SOCS6: variants seen among roughly 807,000 people sequenced by gnomAD.
SOCS6 encodes suppressor of cytokine signaling 6.
SOCS6 carries 5 observed loss-of-function variants against 27.7 expected under a neutral mutation model. That is an observed-to-expected ratio of 0.18 (90% CI 0.09 to 0.38). The LOEUF is 0.38. Among genes scored for constraint, SOCS6 ranks in the 10% least tolerant of loss-of-function variants. The pLI, the probability that SOCS6 is intolerant of heterozygous loss-of-function variation, is 1.00. For synonymous variants in SOCS6, 271 were observed against 260.0 expected (o/e 1.04, Z -0.41); for missense variants, 595 against 688.1 (o/e 0.86, Z 1.51).
chr18:70,317,695 T>C (rs2062418790), intron 1 of SOCS6, among the ~76,000 whole-genome samples: 1 of 151,982 alleles, frequency 6.6e-6, no homozygotes, highest in African/African-American at 2.4e-5. Flanking sequence ...TTTTTCCCTC[T>C]GGGTAGATAC....
intron 1 of SOCS6, among the ~76,000 whole-genome samples, chr18:70,313,477 A>G (rs2062398667): frequency 6.6e-6 from 1 of 152,086 alleles, no homozygotes; most frequent in African/African-American, 2.4e-5. Flanking sequence ...CTTCTAAAAA[A>G]TATTTTTCTC....
At chr18:70,301,292 T>A (rs2062347148) in intron 1 of SOCS6, among the ~76,000 whole-genome samples, 1 of 152,158 alleles carries the variant, frequency 6.6e-6, no homozygotes, top group Non-Finnish European at 1.5e-5. Context: ...GGTATTGCCA[T>A]AATGCAGGAG....
intron 1 of SOCS6, among the ~76,000 whole-genome samples, chr18:70,305,083 TG>T (rs2062363529): frequency 6.6e-6 from 1 of 150,722 alleles, no homozygotes; most frequent in African/African-American, 2.5e-5. Flanking sequence ...GGCATGCACC[TG>T]TAATCCCAGC....
intron 1 of SOCS6, among the ~76,000 whole-genome samples, chr18:70,322,006 T>C (rs1445277605): frequency 2.0e-5 from 3 of 152,216 alleles, no homozygotes; most frequent in African/African-American, 7.2e-5. Context: ...TTATGTGTTA[T>C]GATGACTGAC....
At chr18:70,300,473 T>A (rs2062343547) in intron 1 of SOCS6, among the ~76,000 whole-genome samples, 2 of 152,150 alleles carry the variant, frequency 1.3e-5, no homozygotes, top group South Asian at 4.1e-4. Context: ...CATTTTTACA[T>A]GATTGACGTT....
In SOCS6 at chr18:70,325,480, A is replaced by G. The variant is rs1431922454; in HGVS notation, c.812A>G (p.Gln271Arg). ...CCCGAGGATGAGAGTCAGGTAGACC[A>G]GGACCTAGTTGTCGCCCCAGAGATC... Reference protein sequence around the residue: ...AFPEDESQVDQDLVVAPEIFV... With the variant: ...AFPEDESQVDRDLVVAPEIFV... The change falls in exon 2 of 2, where the codon CAG (glutamine) becomes CGG (arginine). Residue 271 changes from glutamine to arginine, a missense_variant. Gln to Arg is a conservative substitution (Grantham distance 43). Coordinates refer to ENST00000397942, the MANE Select transcript of SOCS6 (RefSeq NM_004232.4). This position sits in a 1 kb window ranked among gnomAD's most constrained non-coding sequence, Gnocchi z 6.3. 7.4e-6 allele frequency: 12 copies of G among 1,614,072 alleles called. No individual in the cohort carries two copies. The highest frequency in any genetic ancestry group is 9.3e-6 in the Non-Finnish European group (11 of 1,180,046).
intron 1 of SOCS6, among the ~76,000 whole-genome samples, chr18:70,295,188 C>T (rs1407377539): frequency 6.6e-6 from 1 of 152,126 alleles, no homozygotes; most frequent in African/African-American, 2.4e-5. Flanking sequence ...CTTAAAATAC[C>T]TTTTTGAAGA....
At chr18:70,316,880 T>C (rs1020867882) in intron 1 of SOCS6, among the ~76,000 whole-genome samples, 4 of 152,244 alleles carry the variant, frequency 2.6e-5, no homozygotes, top group African/African-American at 9.6e-5. Flanking sequence ...TTGACTGAAC[T>C]CTGTATCAGT....
rs1439345910 is a variant in SOCS6 at position 70,325,598 on chromosome 18, C to A, written c.930C>A (p.Leu310=). The change falls in exon 2 of 2, where the codon CTC becomes CTA. Residue 310 remains leucine (L), a synonymous_variant. Coordinates refer to ENST00000397942, the MANE Select transcript of SOCS6 (RefSeq NM_004232.4). This position sits in a 1 kb window ranked among gnomAD's most constrained non-coding sequence, Gnocchi z 6.3. ...PRAGHDDVPP[L]SPLLPPMQNN... is the part of the protein sequence containing the mutation. Reference sequence around the variant, plus strand: ...CGGGTCACGATGATGTCCCTCCACTCTCACCATTGCTACCTCCAATGCAGA... The same window carrying A: ...CGGGTCACGATGATGTCCCTCCACTATCACCATTGCTACCTCCAATGCAGA... 1.2e-6 allele frequency: 2 copies of A among 1,614,062 alleles called. No individual in the cohort carries two copies. The highest frequency in any genetic ancestry group is 1.7e-6 in the Non-Finnish European group (2 of 1,180,010).
At position 70,328,233 on chromosome 18, in the gene SOCS6, G is replaced by GTATA. The variant is rs1911283907; in HGVS notation, c.*1959_*1962dup. On this transcript the variant is annotated 3_prime_UTR_variant, in exon 2 of 2. Coordinates refer to ENST00000397942, the MANE Select transcript of SOCS6 (RefSeq NM_004232.4). ...CTATTTATTTTTAAAACAACTTAAA[G>GTATA]TATATCTAGGGTGAGTTAAAAGTCC... 6.0e-6 allele frequency: 1 copy of GTATA among 166,970 alleles called. No homozygotes were observed. Among genetic ancestry groups the GTATA allele is most frequent in the Non-Finnish European group, 1.5e-5 (1 of 68,100 alleles). 10.3% of individuals were successfully genotyped at this position (166,970 alleles called of 1,614,324 possible).
chr18:70,318,636 C>T (rs1348691975), intron 1 of SOCS6, among the ~76,000 whole-genome samples: 2 of 150,906 alleles, frequency 1.3e-5, no homozygotes, highest in Non-Finnish European at 3.0e-5. Flanking sequence ...TTAATCAGAT[C>T]TTAAAATGTT....
intron 1 of SOCS6, among the ~76,000 whole-genome samples, chr18:70,305,697 A>C (rs1568599179): frequency 6.6e-6 from 1 of 152,198 alleles, no homozygotes; most frequent in South Asian, 2.1e-4. Context: ...AAAACATGGA[A>C]TCTCTAATTA....
chr18:70,329,192 CTCTT>C lies in SOCS6; in HGVS notation c.*2920_*2923del, dbSNP rs1163536493. On this transcript the variant is annotated 3_prime_UTR_variant, in exon 2 of 2. Transcript: ENST00000397942. ...TAATTCTCTTTCTGTCTAAGGAAAA[CTCTT>C]TCTACTTGGTGCAATAATCTGAAAA... is the stretch of plus-strand genomic sequence containing the variant. 1.8e-5 allele frequency: 3 copies of C among 167,024 alleles called. No homozygotes were observed. Among genetic ancestry groups the C allele is most frequent in the Admixed American group, 6.5e-5 (1 of 15,272 alleles). 10.3% of individuals were successfully genotyped at this position (167,024 alleles called of 1,614,324 possible).
intron 1 of SOCS6, among the ~76,000 whole-genome samples, chr18:70,299,204 G>A (rs1361772614): frequency 2.0e-5 from 3 of 152,068 alleles, no homozygotes; most frequent in Non-Finnish European, 2.9e-5. Context: ...CACAGGCAAC[G>A]GGCTGAGTCC....
intron 1 of SOCS6, among the ~76,000 whole-genome samples, chr18:70,324,161 G>A (rs1036004486): frequency 6.6e-6 from 1 of 152,076 alleles, no homozygotes; most frequent in Non-Finnish European, 1.5e-5. Context: ...ACTTAGCTGA[G>A]TGTGGTGGTG....
chr18:70,304,380 A>G (rs966746090), intron 1 of SOCS6, among the ~76,000 whole-genome samples: 4 of 99,974 alleles, frequency 4.0e-5, no homozygotes, highest in South Asian at 3.5e-4. Flanking sequence ...GCAATCGGGG[A>G]AAAAAAAAAC....
intron 1 of SOCS6, among the ~76,000 whole-genome samples, chr18:70,309,468 A>G (rs1462606751): frequency 6.6e-6 from 1 of 152,114 alleles, no homozygotes; most frequent in Non-Finnish European, 1.5e-5. Context: ...CTTTTGTGTT[A>G]AGTGCATATT....
chr18:70,319,795 G>A (rs1212024409), intron 1 of SOCS6, among the ~76,000 whole-genome samples: 4 of 152,022 alleles, frequency 2.6e-5, no homozygotes, highest in Admixed American at 6.6e-5. Flanking sequence ...CAGGGGAAGC[G>A]CTTGTTTGAA....
intron 1 of SOCS6, among the ~76,000 whole-genome samples, chr18:70,322,915 A>T (rs1911042139): frequency 6.6e-6 from 1 of 152,126 alleles, no homozygotes; most frequent in Admixed American, 6.5e-5. Context: ...GTCAGTTCCC[A>T]CCTTGTGTAC....
Sources: allele counts gnomAD v4.1 joint callset (sites outside exome capture counted in the v4.1 genomes callset), GRCh38; gene constraint gnomAD v4.1.1; non-coding constraint Gnocchi (gnomAD v3.1); transcripts MANE v1.5; gene names NCBI Gene and HGNC (gene_info 2026-07-23, HGNC 2026-07-21).